Variants in ZNF679 observed in about 807,000 individuals in gnomAD.
ZNF679 encodes zinc finger protein 679.
ZNF679 carries 10 observed loss-of-function variants against 13.4 expected under a neutral mutation model. The ratio of observed to expected loss-of-function variants is 0.75; its 90% CI spans 0.46 to 1.27. ZNF679 has a LOEUF of 1.27. Ranked by LOEUF, ZNF679 falls within the 50% of genes most tolerant of loss-of-function variation. The pLI, the probability that ZNF679 is intolerant of heterozygous loss-of-function variation, is 0.00. For synonymous variants in ZNF679, 179 were observed against 162.5 expected (o/e 1.10, Z -0.77); for missense variants, 525 against 477.8 (o/e 1.10, Z -0.92).
chr7:64,229,778 C>A (rs546156098), intron 1 of ZNF679, among the ~76,000 whole-genome samples: 238 of 152,260 alleles, frequency 1.6e-3, no homozygotes, highest in Non-Finnish European at 2.6e-3. Flanking sequence ...TGTCTGCTAA[C>A]TGGGCCTGGG....
intron 2 of ZNF679, among the ~76,000 whole-genome samples, chr7:64,255,182 T>C (rs925213610): frequency 3.3e-5 from 5 of 151,978 alleles, no homozygotes; most frequent in Non-Finnish European, 4.4e-5. Flanking sequence ...ATTCTAGGTC[T>C]CCTCTCAGGG....
chr7:64,229,949 T>G (rs1349350883), intron 1 of ZNF679, among the ~76,000 whole-genome samples: 1 of 152,218 alleles, frequency 6.6e-6, no homozygotes, highest in Non-Finnish European at 1.5e-5. Flanking sequence ...CAACACATGC[T>G]GCGAACATAA....
chr7:64,232,000 A>G (rs927147068), intron 1 of ZNF679, among the ~76,000 whole-genome samples: 1 of 152,258 alleles, frequency 6.6e-6, no homozygotes, highest in African/African-American at 2.4e-5. Flanking sequence ...GGATCCATAC[A>G]TAAGAGCTTC....
chr7:64,263,634 C>G (rs114664455), intron 4 of ZNF679, among the ~76,000 whole-genome samples: 25,757 of 152,128 alleles, frequency 0.17, 2,754 homozygotes, highest in Non-Finnish European at 0.23. Flanking sequence ...TCTATTAATT[C>G]ACATGAGAGC....
At chr7:64,263,445 A>C (rs182809485) in intron 4 of ZNF679, among the ~76,000 whole-genome samples, 27 of 152,258 alleles carry the variant, frequency 1.8e-4, no homozygotes, top group African/African-American at 5.8e-4. Context: ...ACCAGGTGCA[A>C]ATAAAAATAT....
At chr7:64,245,465 G>A (rs1022607338) in intron 1 of ZNF679, among the ~76,000 whole-genome samples, 4 of 152,022 alleles carry the variant, frequency 2.6e-5, no homozygotes, top group African/African-American at 4.8e-5. Context: ...GAGAGAGGGA[G>A]AGAGAGAGAA....
rs544590211 is a variant in ZNF679 at position 64,252,555 on chromosome 7, T to C, written c.39+3399T>C. On this transcript the variant is annotated intron_variant, in intron 2 of 4. Transcript: ENST00000421025. ...TTGTGAATATTACCAAGGGAAATAA[T>C]ATGAAAAATGTCTCTTCCATTATGG... Among the ~76,000 whole-genome samples, 18 of 152,312 alleles carry C rather than the reference T, an allele frequency of 1.2e-4. No homozygotes were observed. In the South Asian group the frequency reaches 3.7e-3, roughly 32 times the overall value.
At chr7:64,255,542 A>T (rs1372862279) in intron 2 of ZNF679, among the ~76,000 whole-genome samples, 1 of 152,054 alleles carries the variant, frequency 6.6e-6, no homozygotes, top group Non-Finnish European at 1.5e-5. Flanking sequence ...GTATAGCCCC[A>T]CATGGACCTC....
intron 4 of ZNF679, among the ~76,000 whole-genome samples, chr7:64,262,984 T>C (rs1420460444): frequency 6.6e-6 from 1 of 152,234 alleles, no homozygotes; most frequent in Non-Finnish European, 1.5e-5. Context: ...CAAGAATACA[T>C]TGAAAAGTGT....
rs1463496705 is a variant in ZNF679, at chr7:64,266,922, G to GA, written c.*59dup. The GA allele has an allele frequency of 4.8e-6, 7 of 1,455,166 alleles. No homozygotes were observed. Among genetic ancestry groups the GA allele is most frequent in the Non-Finnish European group, 6.3e-6 (7 of 1,103,554 alleles). 90.1% of individuals were successfully genotyped at this position (1,455,166 alleles called of 1,614,324 possible). On this transcript the variant is annotated 3_prime_UTR_variant, in exon 5 of 5. Transcript: ENST00000421025. ...ATAATACATAAAATAATTTATACTT[G>GA]AAAAAATCACTACAAGTGTAAAGAA...
At chr7:64,246,191 A>C (rs1425144739) in intron 1 of ZNF679, among the ~76,000 whole-genome samples, 1 of 152,130 alleles carries the variant, frequency 6.6e-6, no homozygotes. Flanking sequence ...ATTAAAAGGG[A>C]CCTTTTATCT....
chr7:64,233,909 G>A (rs1396269834), intron 1 of ZNF679, among the ~76,000 whole-genome samples: 4 of 152,158 alleles, frequency 2.6e-5, no homozygotes, highest in African/African-American at 9.7e-5. Context: ...AACGAAGTAA[G>A]CCACTGAGAG....
At chr7:64,253,648 A>G (rs751945593) in intron 2 of ZNF679, among the ~76,000 whole-genome samples, 2 of 152,270 alleles carry the variant, frequency 1.3e-5, no homozygotes, top group African/African-American at 2.4e-5. Flanking sequence ...AGTACCAGGT[A>G]TAAGATTTTT....
At chr7:64,257,762 A>T (rs745951268) in intron 2 of ZNF679, among the ~76,000 whole-genome samples, 4 of 152,220 alleles carry the variant, frequency 2.6e-5, no homozygotes, top group Non-Finnish European at 4.4e-5. Context: ...TTGTACCAGA[A>T]GTATTTATAT....
intron 1 of ZNF679, among the ~76,000 whole-genome samples, chr7:64,245,994 G>A (rs1237228362): frequency 3.3e-5 from 5 of 152,186 alleles, no homozygotes; most frequent in Non-Finnish European, 7.4e-5. Context: ...CAACAAGAGC[G>A]AGACTCCGTC....
rs1788067769 is a variant in ZNF679, at chr7:64,260,886, G to C, written c.219G>C (p.Glu73Asp). The C allele has an allele frequency of 1.9e-6, 3 of 1,612,220 alleles. No individual in the cohort carries two copies. The change falls in exon 4 of 5, where the codon GAG becomes GAC. Residue 73 changes from glutamate to aspartate, a missense_variant. Coordinates refer to ENST00000421025, the MANE Select transcript of ZNF679 (RefSeq NM_153363.3). ...DLITCLEQNK[E>D]PWNIKRNEMV... is the part of the protein sequence containing the mutation. ...TCACCTGTCTGGAGCAAAATAAAGA[G>C]CCTTGGAATATAAAGAGAAATGAGA...
intron 1 of ZNF679, among the ~76,000 whole-genome samples, chr7:64,236,896 GAAAAAGAA>G (rs1480197606): frequency 5.5e-4 from 61 of 111,848 alleles, no homozygotes; most frequent in Non-Finnish European, 8.8e-4. Flanking sequence ...AAGAAAAAAA[GAAAAAGAA>G]AAAAAGAAAG....
At chr7:64,259,987 C>G (rs574654496) in intron 2 of ZNF679, among the ~76,000 whole-genome samples, 3 of 151,864 alleles carry the variant, frequency 2.0e-5, no homozygotes, top group South Asian at 2.1e-4. Context: ...TATTGATGCC[C>G]TTAATTTAAT....
chr7:64,252,708 C>T (rs1008874350), intron 2 of ZNF679, among the ~76,000 whole-genome samples: 2 of 152,148 alleles, frequency 1.3e-5, no homozygotes, highest in Non-Finnish European at 2.9e-5. Context: ...GTTCTACATC[C>T]TGTTATCTTA....
Sources: gnomAD v4.1 joint callset for allele counts (sites outside exome capture counted in the v4.1 genomes callset) on GRCh38, gnomAD v4.1.1 for gene constraint, MANE v1.5 for transcripts, NCBI Gene and HGNC (gene_info 2026-07-23, HGNC 2026-07-21) for gene names.